The following PLCB1 variants were observed in gnomAD, a reference collection of about 807,000 sequenced individuals.
PLCB1 encodes phospholipase C beta 1.
PLCB1 carries 46 observed loss-of-function variants against 161.8 expected under a neutral mutation model. The ratio of observed to expected loss-of-function variants is 0.28; its 90% CI spans 0.22 to 0.36. The LOEUF is 0.36. Among genes scored for constraint, PLCB1 ranks in the 10% least tolerant of loss-of-function variants. The pLI is 1.00. For missense variants in PLCB1, 1,016 were observed against 1,472.5 expected (o/e 0.69, Z 5.07); for synonymous variants, 517 against 503.7 (o/e 1.03, Z -0.35).
rs1984446668 is a variant in PLCB1 at position 8,804,759 on chromosome 20, G to A, written c.3423+14498G>A. On this transcript the variant is annotated intron_variant, in intron 31 of 31. Coordinates refer to ENST00000338037, the MANE Select transcript of PLCB1 (RefSeq NM_015192.4). ...AATCTCAGCACTTTGGGAGGCCGAG[G>A]TGGATGGATCACCTGAGGTCAGAAG... Among the ~76,000 whole-genome samples the A allele has an allele frequency of 2.6e-5, 4 of 152,208 alleles. No homozygotes were observed. In the South Asian group the frequency reaches 8.3e-4, roughly 32 times the overall value.
At chr20:8,629,817 TTTTCTTTCTTTCTTTCTTTC>T (rs752268619) in intron 4 of PLCB1, among the ~76,000 whole-genome samples, 10 of 96,960 alleles carry the variant, frequency 1.0e-4, no homozygotes, top group South Asian at 3.4e-4. Context: ...CTTTTCTTTC[TTTTCTTTCTTTCTTTCTTTC>T]TTTCTTTCTT....
intron 23 of PLCB1, among the ~76,000 whole-genome samples, chr20:8,745,901 A>G (rs1225751299): frequency 5.9e-5 from 9 of 152,310 alleles, no homozygotes; most frequent in Non-Finnish European, 1.2e-4. Context: ...TTTTTAATGT[A>G]TATCCTTCTA....
At chr20:8,625,234 A>G (rs1366564418) in intron 3 of PLCB1, 3 of 152,150 alleles carry the variant, frequency 2.0e-5, no homozygotes, top group South Asian at 4.2e-4. Context: ...AACTTGATGC[A>G]TTTGCAGTTT....
intron 2 of PLCB1, among the ~76,000 whole-genome samples, chr20:8,187,333 C>G (rs548738450): frequency 6.6e-6 from 1 of 152,214 alleles, no homozygotes; most frequent in Admixed American, 6.5e-5. Flanking sequence ...CTTCCCCTTT[C>G]CCATATTGAA....
chr20:8,483,589 A>C (rs930258913), intron 3 of PLCB1, among the ~76,000 whole-genome samples: 1 of 152,120 alleles, frequency 6.6e-6, no homozygotes, highest in South Asian at 2.1e-4. Flanking sequence ...TTTTGGGGAG[A>C]TCTTCCTAGT....
chr20:8,853,344 C>A (rs1013911155), intron 31 of PLCB1, among the ~76,000 whole-genome samples: 27 of 152,260 alleles, frequency 1.8e-4, no homozygotes, highest in African/African-American at 5.8e-4. Flanking sequence ...ATTATCAACA[C>A]CCCAGAAACT....
chr20:8,428,061 G>T (rs548301934), intron 3 of PLCB1, among the ~76,000 whole-genome samples: 1 of 152,232 alleles, frequency 6.6e-6, no homozygotes, highest in Non-Finnish European at 1.5e-5. Flanking sequence ...ATTTTATAAA[G>T]TTTATAGGGA....
At chr20:8,550,099 A>G (rs1465473244) in intron 3 of PLCB1, among the ~76,000 whole-genome samples, 1 of 152,196 alleles carries the variant, frequency 6.6e-6, no homozygotes, top group Non-Finnish European at 1.5e-5. Context: ...GGAAGTAAGT[A>G]ACTTGCTTTT....
intron 9 of PLCB1, among the ~76,000 whole-genome samples, chr20:8,676,878 A>G (rs1270342662): frequency 6.6e-6 from 1 of 152,218 alleles, no homozygotes; most frequent in Non-Finnish European, 1.5e-5. Flanking sequence ...AGAATTCGTT[A>G]AGTATACACA....
At chr20:8,677,701 C>T (rs1990119784) in intron 9 of PLCB1, among the ~76,000 whole-genome samples, 2 of 152,054 alleles carry the variant, frequency 1.3e-5, no homozygotes, top group Admixed American at 6.6e-5. Context: ...CTTAACAGAG[C>T]TAAAAGACAG....
chr20:8,589,552 CTTA>C (rs1249764868), intron 3 of PLCB1, among the ~76,000 whole-genome samples: 1 of 147,150 alleles, frequency 6.8e-6, no homozygotes, highest in Non-Finnish European at 1.5e-5. Context: ...AGACCATCTT[CTTA>C]TTGTGTCCTC....
intron 2 of PLCB1, among the ~76,000 whole-genome samples, chr20:8,302,468 C>T (rs914940366): frequency 6.6e-6 from 1 of 152,124 alleles, no homozygotes; most frequent in African/African-American, 2.4e-5. Flanking sequence ...TTTAAACAGG[C>T]TCGATTGCGT....
chr20:8,452,957 G>A (rs1310590309), intron 3 of PLCB1, among the ~76,000 whole-genome samples: 2 of 152,134 alleles, frequency 1.3e-5, no homozygotes, highest in Non-Finnish European at 2.9e-5. Context: ...CAGCTGACAT[G>A]GATGCCAGAA....
At chr20:8,659,744 C>A (rs1989569778) in intron 9 of PLCB1, among the ~76,000 whole-genome samples, 1 of 152,076 alleles carries the variant, frequency 6.6e-6, no homozygotes, top group Admixed American at 6.6e-5. Flanking sequence ...GTAATCCCAA[C>A]ACTTTGGGAG....
chr20:8,558,867 A>T (rs1303012486), intron 3 of PLCB1, among the ~76,000 whole-genome samples: 1 of 151,940 alleles, frequency 6.6e-6, no homozygotes, highest in Non-Finnish European at 1.5e-5. Flanking sequence ...TAAATTTAAG[A>T]AAAAAGTAAA....
rs1237367429 is a variant in PLCB1 at position 8,530,165 on chromosome 20, G to A, written c.247-98129G>A. On this transcript the variant is annotated intron_variant, in intron 3 of 31. Transcript: ENST00000338037. ...ACTTCTATGAAGTATCTTTTCAAGT[G>A]TTCTGCACATTTGTTTTTCTCTGTT... 1.1e-4 allele frequency among the ~76,000 whole-genome samples: 17 copies of A among 152,214 alleles called. No individual in the cohort carries two copies. The East Asian group carries it at 3.3e-3, about 29-fold the overall frequency.
intron 27 of PLCB1, among the ~76,000 whole-genome samples, chr20:8,778,571 G>T (rs1431782591): frequency 6.6e-6 from 1 of 152,184 alleles, no homozygotes; most frequent in Non-Finnish European, 1.5e-5. Context: ...CACTAAGAAG[G>T]AATGTGAGTA....
chr20:8,711,795 GTA>G, intron 12 of PLCB1, among the ~76,000 whole-genome samples: 1 of 151,868 alleles, frequency 6.6e-6, no homozygotes, highest in Non-Finnish European at 1.5e-5. Flanking sequence ...ATGGTAGGCA[GTA>G]GCAGCACTCT....
At chr20:8,492,262 T>C (rs2122779694) in intron 3 of PLCB1, among the ~76,000 whole-genome samples, 1 of 152,256 alleles carries the variant, frequency 6.6e-6, no homozygotes, top group South Asian at 2.1e-4. Context: ...AATTCCACTA[T>C]TTAGGCTTTT....
Sources: allele counts gnomAD v4.1 joint callset (sites outside exome capture counted in the v4.1 genomes callset), GRCh38; gene constraint gnomAD v4.1.1; transcripts MANE v1.5; gene names NCBI Gene and HGNC (gene_info 2026-07-23, HGNC 2026-07-21).